Variants in CRBN observed in about 807,000 individuals in gnomAD.
CRBN encodes the protein protein cereblon.
Under a neutral mutation model 62.2 loss-of-function variants are expected in CRBN, and 53 were observed. That is an observed-to-expected ratio of 0.85 (90% CI 0.68 to 1.07). CRBN has a LOEUF of 1.07. CRBN is among the 50% of genes least tolerant of loss of function. The pLI is 0.00. For missense variants in CRBN, 616 were observed against 531.1 expected, an observed-to-expected ratio of 1.16 and a Z score of -1.57; for synonymous variants, 208 against 176.1, an observed-to-expected ratio of 1.18 and a Z score of -1.43.
In CRBN at chr3:3,174,211, G is replaced by A. The variant is rs577750138; in HGVS notation, c.225C>T (p.Asp75=). ...EEFHGRTLHD[D]DSCQVIPVLP... ...GAACTGGAATCACCTGACAGCTGTCGTCATCGTGCAAAGTCCTGCCATGAA... is the reference window on the plus strand; with the variant it reads ...GAACTGGAATCACCTGACAGCTGTCATCATCGTGCAAAGTCCTGCCATGAA... Residue 75 remains aspartate, a synonymous_variant, in exon 3 of 11, where the codon GAC becomes GAT. Coordinates refer to ENST00000231948, the MANE Select transcript of CRBN (RefSeq NM_016302.4). 93 of 1,614,148 alleles carry A rather than the reference G, an allele frequency of 5.8e-5. 3 individuals are homozygous for A. In the South Asian group the frequency reaches 8.1e-4, roughly 14 times the overall value.
chr3:3,160,159 C>A (rs147952356), intron 5 of CRBN, among the ~76,000 whole-genome samples: 2 of 152,154 alleles, frequency 1.3e-5, no homozygotes, highest in Non-Finnish European at 2.9e-5. Flanking sequence ...ACTATGGCTT[C>A]GGCTTTGCCT....
At chr3:3,166,656 A>G (rs1017899816) in intron 5 of CRBN, among the ~76,000 whole-genome samples, 7 of 152,184 alleles carry the variant, frequency 4.6e-5, no homozygotes, top group African/African-American at 1.7e-4. Flanking sequence ...TAACTGAGAT[A>G]AAGACCAGGA....
At chr3:3,171,699 T>C (rs775051772) in intron 4 of CRBN, among the ~76,000 whole-genome samples, 7 of 152,136 alleles carry the variant, frequency 4.6e-5, no homozygotes, top group East Asian at 1.9e-4. Context: ...TTCAAAAATA[T>C]ATAGGAACGC....
Position 3,150,742 on chromosome 3 carries a change from A to ATGTTATGTTTACTTAGGTAT in CRBN, c.*103_*122dup. The ATGTTATGTTTACTTAGGTAT allele has an allele frequency of 2.1e-6, 2 of 948,364 alleles. No homozygotes were observed. Among genetic ancestry groups the ATGTTATGTTTACTTAGGTAT allele is most frequent in the Non-Finnish European group, 3.2e-6 (2 of 633,606 alleles). 58.7% of individuals were successfully genotyped at this position (948,364 alleles called of 1,614,324 possible). On this transcript the variant is annotated 3_prime_UTR_variant, in exon 11 of 11. Coordinates refer to ENST00000231948, the MANE Select transcript of CRBN (RefSeq NM_016302.4). ...CTTAGAAACTGCAACCCTCCAAGTAATGTTATGTTTACTTAGGTATTAATG... is the reference window on the plus strand; with the variant it reads ...CTTAGAAACTGCAACCCTCCAAGTAATGTTATGTTTACTTAGGTATTGTTATGTTTACTTAGGTATTAATG...
chr3:3,167,838 C>T, intron 4 of CRBN, 45 bp from the exon 5 acceptor site: 4 of 1,582,780 alleles, frequency 2.5e-6, no homozygotes, highest in Non-Finnish European at 3.5e-6. Context: ...CTAAGATTGA[C>T]TAACTCAAAA....
chr3:3,169,685 A>C (rs77784443), intron 4 of CRBN, among the ~76,000 whole-genome samples: 7,615 of 152,256 alleles, frequency 0.05, 232 homozygotes, highest in Middle Eastern at 0.062. Context: ...TGAATTTATA[A>C]AGTTAAAATA....
In CRBN at chr3:3,150,824, A is replaced by G. The variant is rs1706478947; in HGVS notation, c.*41T>C. The G allele has an allele frequency of 1.3e-6, 2 of 1,564,666 alleles. No homozygotes were observed. Among genetic ancestry groups the G allele is most frequent in the Admixed American group, 1.8e-5 (1 of 56,258 alleles). ...TAATTTCCAAAGCAGATCTTAGAAT[A>G]TAACCAATTTGTTAGATAACTTTAT... On this transcript the variant is annotated 3_prime_UTR_variant, in exon 11 of 11. Coordinates refer to ENST00000231948, the MANE Select transcript of CRBN (RefSeq NM_016302.4).
At chr3:3,149,757 ACACT>A (rs1559235932), downstream of CRBN, 1 of 152,140 alleles carries the variant, frequency 6.6e-6, no homozygotes, top group African/African-American at 2.4e-5. Context: ...ATGCAGTGTG[ACACT>A]CAACTGATTT....
intron 5 of CRBN, among the ~76,000 whole-genome samples, chr3:3,158,949 T>C (rs796822668): frequency 1.7e-4 from 26 of 152,318 alleles, no homozygotes; most frequent in African/African-American, 6.3e-4. Context: ...GTTACTGCCA[T>C]GGTTTTCTCA....
At chr3:3,156,366 T>C in intron 5 of CRBN, 85 bp from the exon 6 acceptor site, 1 of 1,274,666 alleles carries the variant, frequency 7.8e-7, no homozygotes, top group Non-Finnish European at 1.1e-6. Flanking sequence ...AAAAATGATT[T>C]TGGCCTAGGA....
At chr3:3,149,990 A>ATTAT (rs578009327), downstream of CRBN, 9 of 152,168 alleles carry the variant, frequency 5.9e-5, no homozygotes, top group Non-Finnish European at 1.2e-4. Flanking sequence ...GATATTTTAC[A>ATTAT]TTATTTGAAC....
intron 5 of CRBN, among the ~76,000 whole-genome samples, chr3:3,161,933 C>T (rs1417229681): frequency 3.9e-5 from 6 of 152,040 alleles, no homozygotes; most frequent in South Asian, 2.1e-4. Flanking sequence ...TAAGATACAC[C>T]GTTAAGAAAA....
At chr3:3,171,801 C>A (rs1373151873) in intron 4 of CRBN, among the ~76,000 whole-genome samples, 1 of 152,028 alleles carries the variant, frequency 6.6e-6, no homozygotes, top group African/African-American at 2.4e-5. Flanking sequence ...CCCAAAAAAA[C>A]CCCAAAATAC....
At position 3,175,146 on chromosome 3, in the gene CRBN, G is replaced by A; in HGVS notation, c.174+17C>T. 1.4e-6 allele frequency: 2 copies of A among 1,463,926 alleles called. No homozygotes were observed. The highest frequency in any genetic ancestry group is 2.3e-5 in the South Asian group (2 of 87,788). 90.7% of individuals were successfully genotyped at this position (1,463,926 alleles called of 1,614,324 possible). On this transcript the variant is annotated intron_variant, in intron 2 of 10. Coordinates refer to ENST00000231948, the MANE Select transcript of CRBN (RefSeq NM_016302.4). The stretch of plus-strand genomic sequence containing the variant: ...AATGTATATCTATTATATTAGATCT[G>A]TCACTAAATTACATACTGTATGTGA...
At chr3:3,161,335 G>T (rs1043784110) in intron 5 of CRBN, among the ~76,000 whole-genome samples, 4 of 152,078 alleles carry the variant, frequency 2.6e-5, no homozygotes, top group Admixed American at 2.6e-4. Context: ...TGCTCTCAGA[G>T]AAATTCAAAT....
rs768452189 is a variant in CRBN at position 3,179,660 on chromosome 3, C to A, written c.28G>T (p.Ala10Ser). The change falls in exon 1 of 11, where the codon GCT (alanine) becomes TCT (serine). Residue 10 changes from alanine (A) to serine (S), a missense_variant. Ala to Ser is a moderately conservative substitution (Grantham distance 99, BLOSUM62 1). Transcript: ENST00000231948. ...AGGTGGTTGCCCATGTTGTGCGCAG[C>A]GTCCTGCTGATCTCCTTCGCCGGCC... Reference protein sequence around the residue: MAGEGDQQDAAHNMGNHLPL... With the variant: MAGEGDQQDSAHNMGNHLPL... 36 of 1,613,018 alleles carry A rather than the reference C, an allele frequency of 2.2e-5. No individual in the cohort carries two copies. The highest frequency in any genetic ancestry group is 1.5e-4 in the African/African-American group (11 of 74,918).
At chr3:3,152,770 G>A (rs549820917) in intron 9 of CRBN, among the ~76,000 whole-genome samples, 183 bp from the exon 10 acceptor site, 36 of 152,248 alleles carry the variant, frequency 2.4e-4, no homozygotes, top group Non-Finnish European at 4.4e-4. Context: ...CTGGCAGACA[G>A]GCCTGTTTTG....
Position 3,156,351 on chromosome 3 carries a change from A to G in CRBN, c.688-70T>C, listed in dbSNP as rs1013711160. The G allele has an allele frequency of 2.4e-5, 33 of 1,378,062 alleles. 1 individual carries two copies. In the Admixed American group the frequency reaches 2.9e-4, roughly 12 times the overall value. The allele number at this position is 1,378,062 out of a possible 1,614,324, so 85.4% of individuals were successfully genotyped here. Reference sequence around the variant, plus strand: ...AGATTCTAATGCTGGAATGAGCAACATCTGAAAAATGATTTTGGCCTAGGA... The same window carrying G: ...AGATTCTAATGCTGGAATGAGCAACGTCTGAAAAATGATTTTGGCCTAGGA... On this transcript the variant is annotated intron_variant, in intron 5 of 10. Transcript: ENST00000231948.
chr3:3,150,844 C>CTAAA lies in CRBN; in HGVS notation c.*20_*21insTTTA, dbSNP rs2126047016. On this transcript the variant is annotated 3_prime_UTR_variant, in exon 11 of 11. Transcript: ENST00000231948. Reference sequence around the variant, plus strand: ...AGAATATAACCAATTTGTTAGATAACTTTATCTCTATCACATCTGTTTACA... The same window carrying CTAAA: ...AGAATATAACCAATTTGTTAGATAACTAAATTTATCTCTATCACATCTGTTTACA... 2 of 1,607,232 alleles carry CTAAA rather than the reference C, an allele frequency of 1.2e-6. No homozygotes were observed.
Sources: allele counts gnomAD v4.1 joint callset (sites outside exome capture counted in the v4.1 genomes callset), GRCh38; gene constraint gnomAD v4.1.1; transcripts MANE v1.5; gene names NCBI Gene and HGNC (gene_info 2026-07-23, HGNC 2026-07-21).